The following PIWIL1 variants were observed in gnomAD, a reference collection of about 807,000 sequenced individuals.
The protein encoded by PIWIL1 is piwi like RNA-mediated gene silencing 1, also known as piwi-like protein 1.
A neutral mutation model predicts 114.4 loss-of-function variants in PIWIL1; 73 were observed. The ratio of observed to expected loss-of-function variants is 0.64; its 90% CI spans 0.53 to 0.78. The LOEUF (loss-of-function observed/expected upper bound fraction) is 0.78. PIWIL1 is among the 30% of genes least tolerant of loss of function. The pLI, the probability that PIWIL1 is intolerant of heterozygous loss-of-function variation, is 0.00. For synonymous variants in PIWIL1, 375 were observed against 369.0 expected (o/e 1.02, Z -0.19); for missense variants, 723 against 1,063.1 (o/e 0.68, Z 4.45).
intron 9 of PIWIL1, chr12:130,351,229 G>A (rs1368447504): frequency 6.6e-6 from 1 of 152,180 alleles, no homozygotes; most frequent in South Asian, 2.1e-4. Context: ...CCTGAAGCAA[G>A]GTCAGTGGAA....
Position 130,357,025 on chromosome 12 carries a change from T to C in PIWIL1, c.1512T>C (p.Asn504=). ...DNWLLIYTRR[N]YEAANSLIQN... is the part of the protein sequence containing the mutation. ...GGCTGTTGATCTATACGCGAAGAAA[T>C]TATGAAGCAGCCAATTCATTGATAC... Residue 504 remains asparagine, a synonymous_variant, in exon 13 of 21, where the codon AAT becomes AAC. Transcript: ENST00000245255. 1 of 1,613,888 alleles carries C rather than the reference T, an allele frequency of 6.2e-7. No homozygotes were observed.
chr12:130,407,637 G>A, the PIWIL1 span: 1 of 998,638 alleles, frequency 1.0e-6, no homozygotes, highest in East Asian at 2.4e-5. Context: ...GAATGAGGAG[G>A]TGAACACACG....
intron 1 of PIWIL1, among the ~76,000 whole-genome samples, chr12:130,340,483 G>C (rs2072878617): frequency 6.6e-6 from 1 of 151,916 alleles, no homozygotes; most frequent in African/African-American, 2.4e-5. Flanking sequence ...CTTCACAGTA[G>C]GGTTCTCACT....
At chr12:130,424,344 T>C in the PIWIL1 span, 1 of 1,232,032 alleles carries the variant, frequency 8.1e-7, no homozygotes, top group Non-Finnish European at 1.0e-6. The surrounding 1 kb of genome is among the most constrained non-coding windows in gnomAD (Gnocchi z 9.8). Context: ...GCCCACCTGC[T>C]CCCCAAAGTC....
At position 130,367,144 on chromosome 12, in the gene PIWIL1, C is replaced by T. The variant is rs117506395; in HGVS notation, c.2207C>T (p.Thr736Met). ...TCATCATTTTTAAGCCCTAGACTAA[C>T]GGTAATTGTGGTGAAGAAAAGAGTG... ...SIGRGYNPRLTVIVVKKRVNT... is the reference protein window; with the variant it reads ...SIGRGYNPRLMVIVVKKRVNT... Residue 736 changes from threonine (T) to methionine (M), a missense_variant, in exon 19 of 21, where the codon ACG (threonine) becomes ATG (methionine). Physicochemically the swap from Thr to Met is moderately conservative, Grantham distance 81. Coordinates refer to ENST00000245255, the MANE Select transcript of PIWIL1 (RefSeq NM_004764.5). 142 of 1,614,006 alleles carry T rather than the reference C, an allele frequency of 8.8e-5. No homozygotes were observed. The highest frequency in any genetic ancestry group is 1.1e-4 in the Non-Finnish European group (135 of 1,179,962).
chr12:130,422,522 T>C, the PIWIL1 span: 2 of 1,612,680 alleles, frequency 1.2e-6, no homozygotes, highest in Non-Finnish European at 8.5e-7. This position sits in a 1 kb window ranked among gnomAD's most constrained non-coding sequence, Gnocchi z 5.2. Context: ...CTCCGGCCCA[T>C]GTGATCCACC....
the PIWIL1 span, among the ~76,000 whole-genome samples, chr12:130,395,695 AGT>A: frequency 6.6e-6 from 1 of 152,184 alleles, no homozygotes; most frequent in Non-Finnish European, 1.5e-5. Flanking sequence ...TCTTGCCGTA[AGT>A]GTGTTGGTTT....
chr12:130,423,209 A>C, the PIWIL1 span, among the ~76,000 whole-genome samples: 1 of 152,202 alleles, frequency 6.6e-6, no homozygotes, highest in Admixed American at 6.5e-5. Context: ...TCTTGCTAGT[A>C]AGTAAATGGA....
At chr12:130,340,746 C>T (rs572328114) in intron 1 of PIWIL1, among the ~76,000 whole-genome samples, 1 of 151,844 alleles carries the variant, frequency 6.6e-6, no homozygotes, top group Non-Finnish European at 1.5e-5. Flanking sequence ...GCCAGTATGC[C>T]CCGTGTGTAA....
At chr12:130,412,516 A>G in the PIWIL1 span, 2 of 1,073,118 alleles carry the variant, frequency 1.9e-6, no homozygotes, top group Non-Finnish European at 1.4e-6. Flanking sequence ...GCATATTTAA[A>G]TGATGCAATT....
At position 130,349,982 on chromosome 12, in the gene PIWIL1, G is replaced by A; in HGVS notation, c.1044+15G>A. On this transcript the variant is annotated intron_variant, in intron 9 of 20. Transcript: ENST00000245255. Reference sequence around the variant, plus strand: ...ACTACAGGAAGGTAAGATGCCAGTGGTTAGATCTCAGGAGAAATCCAAAAT... The same window carrying A: ...ACTACAGGAAGGTAAGATGCCAGTGATTAGATCTCAGGAGAAATCCAAAAT... 1 of 1,443,050 alleles carries A rather than the reference G, an allele frequency of 6.9e-7. No individual in the cohort carries two copies. Among genetic ancestry groups the A allele is most frequent in the Non-Finnish European group, 9.6e-7 (1 of 1,036,564 alleles). 89.4% of individuals were successfully genotyped at this position (1,443,050 alleles called of 1,614,324 possible). A position where few individuals can be genotyped will look rare whatever the true frequency, so the allele number is the denominator to read the frequency against.
In PIWIL1 at chr12:130,345,920, G is replaced by C. The variant is rs374340156; in HGVS notation, c.316+42G>C. ...TAAGTTTTGTGAGATTACATCTCAGGAACACAGGACAGTGAATTGAGGCAC... is the reference window on the plus strand; with the variant it reads ...TAAGTTTTGTGAGATTACATCTCAGCAACACAGGACAGTGAATTGAGGCAC... On this transcript the variant is annotated intron_variant, in intron 4 of 20. Transcript: ENST00000245255. The C allele has an allele frequency of 6.7e-5, 108 of 1,603,826 alleles. 1 individual carries two copies. In the African/African-American group the frequency reaches 1.2e-3, roughly 17 times the overall value.
Position 130,348,243 on chromosome 12 carries a change from T to C in PIWIL1, c.734+60T>C, listed in dbSNP as rs970508260. Reference sequence around the variant, plus strand: ...GCTTAATGACAGACTTTTGAGACGATAACCTAATTTGAAATGGTCAAATTT... The same window carrying C: ...GCTTAATGACAGACTTTTGAGACGACAACCTAATTTGAAATGGTCAAATTT... On this transcript the variant is annotated intron_variant, in intron 7 of 20. Transcript: ENST00000245255. The C allele has an allele frequency of 5.2e-6, 5 of 956,026 alleles. No individual in the cohort carries two copies. In the South Asian group the frequency reaches 7.7e-5, roughly 15 times the overall value. The allele number at this position is 956,026 out of a possible 1,614,324, so 59.2% of individuals were successfully genotyped here.
chr12:130,348,699 T>C (rs945475656), intron 7 of PIWIL1, among the ~76,000 whole-genome samples: 20 of 152,254 alleles, frequency 1.3e-4, no homozygotes, highest in African/African-American at 4.6e-4. Flanking sequence ...TCAGGAGTTC[T>C]AGACCAGCCT....
chr12:130,371,456 A>G, intron 20 of PIWIL1, 26 bp from the exon 21 acceptor site: 1 of 1,610,816 alleles, frequency 6.2e-7, no homozygotes, highest in Non-Finnish European at 8.5e-7. Context: ...CTAGAGTAAT[A>G]GAACCTTTTT....
the PIWIL1 span, among the ~76,000 whole-genome samples, chr12:130,420,338 C>A: frequency 6.7e-6 from 1 of 149,970 alleles, no homozygotes; most frequent in Admixed American, 6.9e-5. This position sits in a 1 kb window ranked among gnomAD's most constrained non-coding sequence, Gnocchi z 4.3. Flanking sequence ...ACAATTAAAG[C>A]AAACCTATCA....
chr12:130,395,297 T>TATC, the PIWIL1 span, among the ~76,000 whole-genome samples: 2 of 152,216 alleles, frequency 1.3e-5, no homozygotes, highest in Non-Finnish European at 2.9e-5. Flanking sequence ...GTTTTTCTCT[T>TATC]ATCATCACCA....
In PIWIL1 at chr12:130,357,479, A is replaced by G. The variant is rs2073395055; in HGVS notation, c.1593-2A>G. ...GTGTTGGATTGTGTACTTTCATTCT[A>G]GGATTGAAGTGGATGACAGAACTGA... is the stretch of plus-strand genomic sequence containing the variant. On this transcript the variant is annotated splice_acceptor_variant, in intron 13 of 20. Coordinates refer to ENST00000245255, the MANE Select transcript of PIWIL1 (RefSeq NM_004764.5). LOFTEE classifies it high-confidence loss of function. 3.1e-6 allele frequency: 5 copies of G among 1,610,242 alleles called. No individual in the cohort carries two copies. Among genetic ancestry groups the G allele is most frequent in the African/African-American group, 1.3e-5 (1 of 74,800 alleles).
the PIWIL1 span, among the ~76,000 whole-genome samples, chr12:130,408,731 A>C: frequency 6.6e-6 from 1 of 152,222 alleles, no homozygotes; most frequent in Non-Finnish European, 1.5e-5. Flanking sequence ...GTTGGCATTT[A>C]TGTGTTTCTT....
Sources: allele counts gnomAD v4.1 joint callset (sites outside exome capture counted in the v4.1 genomes callset), GRCh38; gene constraint gnomAD v4.1.1; non-coding constraint Gnocchi (gnomAD v3.1); transcripts MANE v1.5; gene names NCBI Gene and HGNC (gene_info 2026-07-23, HGNC 2026-07-21).